Variants in INPP5D observed in about 807,000 individuals in gnomAD.
INPP5D encodes inositol polyphosphate-5-phosphatase D, also known as phosphatidylinositol 3,4,5-trisphosphate 5-phosphatase 1.
INPP5D carries 33 observed loss-of-function variants against 122.9 expected under a neutral mutation model. The ratio of observed to expected loss-of-function variants is 0.27; its 90% CI spans 0.20 to 0.36. The LOEUF is 0.36. Among genes scored for constraint, INPP5D ranks in the 10% least tolerant of loss-of-function variants. INPP5D has a pLI of 1.00. For missense variants in INPP5D, 1,053 were observed against 1,412.7 expected, an observed-to-expected ratio of 0.75 and a Z score of 4.08; for synonymous variants, 584 against 576.2, an observed-to-expected ratio of 1.01 and a Z score of -0.19.
chr2:233,202,178 C>T (rs1213207400), intron 25 of INPP5D, among the ~76,000 whole-genome samples: 1 of 152,166 alleles, frequency 6.6e-6, no homozygotes, highest in Admixed American at 6.6e-5. Context: ...CCATCTCAGC[C>T]CCTGAGAGAG....
chr2:233,116,900 G>A (rs372217656), intron 2 of INPP5D, among the ~76,000 whole-genome samples: 12 of 152,168 alleles, frequency 7.9e-5, no homozygotes, highest in African/African-American at 1.9e-4. Flanking sequence ...TGGTCAAGAT[G>A]TCATAATTTA....
chr2:233,089,112 G>A (rs1691925758), intron 2 of INPP5D, among the ~76,000 whole-genome samples: 3 of 152,156 alleles, frequency 2.0e-5, no homozygotes, highest in Admixed American at 1.3e-4. Context: ...GAGGAAGACA[G>A]AGGCGGGGTG....
chr2:233,107,890 G>A (rs1403461001), intron 2 of INPP5D, among the ~76,000 whole-genome samples: 1 of 152,088 alleles, frequency 6.6e-6, no homozygotes, highest in Non-Finnish European at 1.5e-5. Context: ...GCGCTGCCAC[G>A]GCACTCCCTT....
chr2:233,126,283 C>T (rs186117347), intron 4 of INPP5D, among the ~76,000 whole-genome samples: 19 of 152,310 alleles, frequency 1.2e-4, no homozygotes, highest in South Asian at 2.1e-4. Context: ...TTGTGAGAAA[C>T]GCTCCATTGC....
At chr2:233,127,190 G>A (rs1693186876) in intron 4 of INPP5D, among the ~76,000 whole-genome samples, 1 of 152,208 alleles carries the variant, frequency 6.6e-6, no homozygotes. Context: ...TTCCAGGAGG[G>A]GTTAGGGTCG....
chr2:233,060,637 G>T, intron 1 of INPP5D, 25 bp downstream of exon 1: 1 of 1,612,804 alleles, frequency 6.2e-7, no homozygotes, highest in Non-Finnish European at 8.5e-7. Context: ...CTCCCTCCCC[G>T]GGCACAGATA....
Position 233,193,845 on chromosome 2 carries a change from CAG to C in INPP5D, c.2482_2483del (p.Glu828AsnfsTer38). ...TGCATTGCCCTTCGGTTAGAGGCCA[CAG>C]AAACGCAGCTGCCCATCTACACGCC... On this transcript the variant is annotated frameshift_variant, in exon 23 of 27. Transcript: ENST00000445964. LOFTEE classifies it high-confidence loss of function. 6.2e-7 allele frequency: 1 copy of C among 1,613,816 alleles called. No individual in the cohort carries two copies. The highest frequency in any genetic ancestry group is 8.5e-7 in the Non-Finnish European group (1 of 1,179,874).
intron 5 of INPP5D, 143 bp downstream of exon 5, chr2:233,130,791 A>T: frequency 2.2e-6 from 2 of 894,830 alleles, no homozygotes; most frequent in Non-Finnish European, 3.6e-6. Flanking sequence ...CACAGCTTGG[A>T]AATCTCTGTG....
chr2:233,151,793 G>GAGA (rs1693932252), intron 9 of INPP5D, among the ~76,000 whole-genome samples: 1 of 152,204 alleles, frequency 6.6e-6, no homozygotes, highest in Non-Finnish European at 1.5e-5. Context: ...AATGCATATT[G>GAGA]AGAGAACGCA....
intron 2 of INPP5D, among the ~76,000 whole-genome samples, chr2:233,117,369 A>G (rs1468220011): frequency 6.6e-6 from 1 of 152,106 alleles, no homozygotes; most frequent in Non-Finnish European, 1.5e-5. Context: ...CGTGCTGAGC[A>G]TCTTCCATTT....
chr2:233,072,776 G>A (rs1204896532), intron 1 of INPP5D, among the ~76,000 whole-genome samples: 2 of 152,192 alleles, frequency 1.3e-5, no homozygotes, highest in East Asian at 3.8e-4. Flanking sequence ...TTGTATAACT[G>A]TAAGTTTTCT....
chr2:233,155,494 C>T (rs1694026160), intron 9 of INPP5D, among the ~76,000 whole-genome samples: 2 of 151,922 alleles, frequency 1.3e-5, no homozygotes, highest in African/African-American at 4.8e-5. Flanking sequence ...TGGTGGTGCA[C>T]GCCTGTGATC....
At chr2:233,122,854 C>T (rs1182070928) in intron 3 of INPP5D, among the ~76,000 whole-genome samples, 1 of 152,118 alleles carries the variant, frequency 6.6e-6, no homozygotes, top group African/African-American at 2.4e-5. Flanking sequence ...ACTGAACTTC[C>T]TCTGCTTCAC....
At chr2:233,162,028 C>T (rs755603032) in intron 11 of INPP5D, among the ~76,000 whole-genome samples, 2 of 152,148 alleles carry the variant, frequency 1.3e-5, no homozygotes, top group Non-Finnish European at 2.9e-5. Flanking sequence ...GTAAGAAAAA[C>T]GAGCTTTGGG....
chr2:233,166,068 C>T (rs752319176), intron 13 of INPP5D, among the ~76,000 whole-genome samples: 6 of 152,230 alleles, frequency 3.9e-5, no homozygotes, highest in Middle Eastern at 3.4e-3. Context: ...GCAAACTGCC[C>T]GCGTCCACCC....
intron 9 of INPP5D, among the ~76,000 whole-genome samples, chr2:233,155,607 C>T (rs1403518211): frequency 2.0e-5 from 3 of 150,834 alleles, no homozygotes; most frequent in African/African-American, 7.3e-5. Context: ...GGTGATGGAG[C>T]GAGACTCCAT....
intron 18 of INPP5D, among the ~76,000 whole-genome samples, chr2:233,181,236 T>C (rs1694776535): frequency 6.6e-6 from 1 of 152,226 alleles, no homozygotes; most frequent in Non-Finnish European, 1.5e-5. Flanking sequence ...GCCATCTGTA[T>C]TTTTTGGTGA....
At position 233,164,804 on chromosome 2, in the gene INPP5D, A is replaced by G. The variant is rs1032234547; in HGVS notation, c.1555+380A>G. Among the ~76,000 whole-genome samples the G allele has an allele frequency of 6.6e-6, 1 of 152,250 alleles. No individual in the cohort carries two copies. The highest frequency in any genetic ancestry group is 1.5e-5 in the Non-Finnish European group (1 of 68,040). On this transcript the variant is annotated intron_variant, in intron 13 of 26. Transcript: ENST00000445964. The surrounding 1 kb of genome is among the most constrained non-coding windows in gnomAD (Gnocchi z 4.3). ...TTTGCAGGAAAGGGAAGGGCCTGAC[A>G]GTAAATATTTCAGGCTTTGCAGGCC...
chr2:233,189,816 C>T lies in INPP5D; in HGVS notation c.2359-34C>T. ...CCTGTCCCCTCACCTGTCCCTTGCC[C>T]ATCAACTCCAGTCCTGTGCCCTTCT... On this transcript the variant is annotated intron_variant, in intron 21 of 26. Coordinates refer to ENST00000445964, the MANE Select transcript of INPP5D (RefSeq NM_001017915.3). The surrounding 1 kb of genome is among the most constrained non-coding windows in gnomAD (Gnocchi z 5.6). The T allele has an allele frequency of 6.2e-7, 1 of 1,606,862 alleles. No homozygotes were observed.
Sources: allele counts gnomAD v4.1 joint callset (sites outside exome capture counted in the v4.1 genomes callset), GRCh38; gene constraint gnomAD v4.1.1; non-coding constraint Gnocchi (gnomAD v3.1); transcripts MANE v1.5; gene names NCBI Gene and HGNC (gene_info 2026-07-23, HGNC 2026-07-21).